PSIP1: variants seen among roughly 807,000 people sequenced by gnomAD.
PSIP1 encodes the protein PC4 and SFRS1-interacting protein.
A neutral mutation model predicts 74.7 loss-of-function variants in PSIP1; 19 were observed. That is an observed-to-expected ratio of 0.25 (90% CI 0.18 to 0.37). The LOEUF (loss-of-function observed/expected upper bound fraction) is 0.37, where lower values mean the gene tolerates loss of function less well. Among genes scored for constraint, PSIP1 ranks in the 10% least tolerant of loss-of-function variants. The pLI, the probability that PSIP1 is intolerant of heterozygous loss-of-function variation, is 1.00. For missense variants in PSIP1, 601 were observed against 614.3 expected, an observed-to-expected ratio of 0.98 and a Z score of 0.23; for synonymous variants, 222 against 195.3, an observed-to-expected ratio of 1.14 and a Z score of -1.14.
chr9:15,507,238 T>A (rs1279317706), intron 2 of PSIP1, among the ~76,000 whole-genome samples: 1 of 152,224 alleles, frequency 6.6e-6, no homozygotes, highest in African/African-American at 2.4e-5. Flanking sequence ...TTAAATTATG[T>A]AAGGAAGAAA....
At chr9:15,478,932 AAAATTC>A (rs1216797269) in intron 7 of PSIP1, among the ~76,000 whole-genome samples, 16 of 152,084 alleles carry the variant, frequency 1.1e-4, no homozygotes, top group Non-Finnish European at 2.2e-4. Context: ...AGTTCATATC[AAAATTC>A]ACTGAGTTTC....
At chr9:15,477,002 A>C (rs914819604) in intron 8 of PSIP1, among the ~76,000 whole-genome samples, 2 of 152,176 alleles carry the variant, frequency 1.3e-5, no homozygotes, top group Non-Finnish European at 2.9e-5. Context: ...AAAGCCAAGA[A>C]GACAAACGGA....
chr9:15,508,910 T>C (rs1269036415), intron 2 of PSIP1, among the ~76,000 whole-genome samples: 1 of 152,152 alleles, frequency 6.6e-6, no homozygotes. Context: ...ACAAGGATTA[T>C]GACTAAGGAT....
In PSIP1 at chr9:15,510,207, G is replaced by C. The variant is rs768495343; in HGVS notation, c.-19C>G. On this transcript the variant is annotated 5_prime_UTR_variant, in exon 2 of 16. Transcript: ENST00000380733. ...GAGTCATGTTTCGGGGGCGAGACCG[G>C]GGGTCCGAAGCCCGGGAGGCGGCGA... 1 of 1,599,218 alleles carries C rather than the reference G, an allele frequency of 6.3e-7. No individual in the cohort carries two copies. Among genetic ancestry groups the C allele is most frequent in the East Asian group, 2.3e-5 (1 of 43,428 alleles).
intron 3 of PSIP1, among the ~76,000 whole-genome samples, chr9:15,498,557 G>C (rs960635121): frequency 6.6e-6 from 1 of 152,038 alleles, no homozygotes. Context: ...GGTGAACAGG[G>C]ACCAGATTAG....
intron 8 of PSIP1, among the ~76,000 whole-genome samples, chr9:15,474,858 A>C (rs765450803): frequency 3.3e-5 from 5 of 152,228 alleles, no homozygotes; most frequent in Non-Finnish European, 5.9e-5. Flanking sequence ...TCTTTTACAA[A>C]TAAATACTTC....
chr9:15,493,499 C>T lies in PSIP1; in HGVS notation c.150-3375G>A, dbSNP rs533673912. 3.8e-4 allele frequency among the ~76,000 whole-genome samples: 58 copies of T among 152,302 alleles called. 1 individual carries two copies. Among genetic ancestry groups the T allele is most frequent in the Admixed American group, 1.8e-3 (28 of 15,308 alleles). ...TTACCCAGTTCCAAAGTCGCTTCCA[C>T]GTTTTCAGGTATCTTTACAGCATCA... On this transcript the variant is annotated intron_variant, in intron 3 of 15. Transcript: ENST00000380733.
intron 8 of PSIP1, among the ~76,000 whole-genome samples, chr9:15,477,613 C>G (rs2132076251): frequency 6.6e-6 from 1 of 152,034 alleles, no homozygotes; most frequent in Non-Finnish European, 1.5e-5. Context: ...TTTTCTCCCC[C>G]TTTGTCTAAA....
intron 2 of PSIP1, among the ~76,000 whole-genome samples, chr9:15,507,647 CAAAA>C (rs369178028): frequency 2.6e-3 from 391 of 150,102 alleles, no homozygotes; most frequent in African/African-American, 9.2e-3. Flanking sequence ...TTAAAAAAAA[CAAAA>C]AAAAAGAATT....
chr9:15,486,827 C>G lies in PSIP1; in HGVS notation c.393G>C (p.Glu131Asp). The change falls in exon 5 of 16, where the codon GAG becomes GAC. Residue 131 changes from glutamate to aspartate, a missense_variant and splice_region_variant. Transcript: ENST00000380733. Reference sequence around the variant, plus strand: ...AAATGTTAGGAGAAATAGAACATACCTCATTGCTGGCTTTTTCTTCATGGT... The same window carrying G: ...AAATGTTAGGAGAAATAGAACATACGTCATTGCTGGCTTTTTCTTCATGGT... The part of the protein sequence containing the change: ...DTDHEEKASN[E>D]DVTKAVDITT... The G allele has an allele frequency of 1.3e-6, 2 of 1,590,358 alleles. No homozygotes were observed. The highest frequency in any genetic ancestry group is 1.7e-6 in the Non-Finnish European group (2 of 1,162,716).
chr9:15,501,603 A>C (rs931846402), intron 3 of PSIP1, among the ~76,000 whole-genome samples: 4 of 152,054 alleles, frequency 2.6e-5, no homozygotes, highest in Non-Finnish European at 5.9e-5. Context: ...AGCATGGGCT[A>C]GTTCGTATAG....
chr9:15,488,546 G>C (rs1283158228), intron 4 of PSIP1, among the ~76,000 whole-genome samples: 2 of 152,058 alleles, frequency 1.3e-5, no homozygotes, highest in Non-Finnish European at 1.5e-5. Context: ...ATTTTAAATC[G>C]TAAGAGTTCT....
rs1461492913 is a variant in PSIP1, at chr9:15,465,396, T to C, written c.*124A>G. The C allele has an allele frequency of 2.5e-6, 2 of 802,714 alleles. No homozygotes were observed. The highest frequency in any genetic ancestry group is 4.0e-6 in the Non-Finnish European group (2 of 497,800). 49.7% of individuals were successfully genotyped at this position (802,714 alleles called of 1,614,324 possible). On this transcript the variant is annotated 3_prime_UTR_variant, in exon 16 of 16. Transcript: ENST00000380733. ...TTTACTTTAAAACAAAGGGATTTTC[T>C]CCCTCAAAACAAGTTTTCAACATCA...
intron 2 of PSIP1, among the ~76,000 whole-genome samples, chr9:15,507,237 G>A (rs542223680): frequency 6.6e-6 from 1 of 152,298 alleles, no homozygotes; most frequent in East Asian, 1.9e-4. Flanking sequence ...TTTAAATTAT[G>A]TAAGGAAGAA....
intron 8 of PSIP1, among the ~76,000 whole-genome samples, chr9:15,478,092 A>C (rs2036172146): frequency 6.9e-6 from 1 of 145,582 alleles, no homozygotes; most frequent in Admixed American, 7.3e-5. Context: ...GCAGCACTGC[A>C]CTCCAGCCTG....
At chr9:15,490,431 T>C (rs7031671) in intron 3 of PSIP1, among the ~76,000 whole-genome samples, 1,725 of 152,184 alleles carry the variant, frequency 0.011, 28 homozygotes, top group African/African-American at 0.039. Flanking sequence ...GCCTGTAATC[T>C]CACCACTTTG....
intron 3 of PSIP1, among the ~76,000 whole-genome samples, chr9:15,498,278 T>C (rs2037176495): frequency 6.6e-6 from 1 of 152,068 alleles, no homozygotes; most frequent in African/African-American, 2.4e-5. Flanking sequence ...TAGCCAGCCG[T>C]GGTGGCGTGC....
chr9:15,497,904 T>C (rs1319406863), intron 3 of PSIP1, among the ~76,000 whole-genome samples: 1 of 152,222 alleles, frequency 6.6e-6, no homozygotes, highest in African/African-American at 2.4e-5. Flanking sequence ...TTTCAATGTA[T>C]ATGATACAAA....
At chr9:15,505,279 G>C (rs1002627303) in intron 3 of PSIP1, 1 of 152,054 alleles carries the variant, frequency 6.6e-6, no homozygotes, top group African/African-American at 2.4e-5. Flanking sequence ...GATGCTAATG[G>C]TGCTAGACCT....
Sources: allele counts gnomAD v4.1 joint callset (sites outside exome capture counted in the v4.1 genomes callset), GRCh38; gene constraint gnomAD v4.1.1; transcripts MANE v1.5; gene names NCBI Gene and HGNC (gene_info 2026-07-23, HGNC 2026-07-21).